SPPL3: variants seen among roughly 807,000 people sequenced by gnomAD.
SPPL3 encodes the protein signal peptide peptidase-like 3.
In SPPL3, 5 loss-of-function variants were observed where a neutral mutation model predicts 42.4. The observed-to-expected ratio is 0.12, with a 90% CI of 0.06 to 0.25. The LOEUF (loss-of-function observed/expected upper bound fraction) is 0.25, where lower values mean the gene tolerates loss of function less well. SPPL3 is among the 10% of genes least tolerant of loss of function. The pLI is 1.00. For missense variants in SPPL3, 235 were observed against 489.0 expected, an observed-to-expected ratio of 0.48 and a Z score of 4.90; for synonymous variants, 195 against 181.8, an observed-to-expected ratio of 1.07 and a Z score of -0.58.
chr12:120,832,001 A>G (rs76960432), intron 1 of SPPL3, among the ~76,000 whole-genome samples: 1,707 of 152,338 alleles, frequency 0.011, 11 homozygotes, highest in Non-Finnish European at 0.017. Flanking sequence ...TCAAAATATA[A>G]AAAACCAGCT....
intron 1 of SPPL3, among the ~76,000 whole-genome samples, chr12:120,894,850 G>A (rs1216171480): frequency 6.6e-6 from 1 of 152,184 alleles, no homozygotes; most frequent in Non-Finnish European, 1.5e-5. Flanking sequence ...GTGGGGCTGA[G>A]GCAGGAGGAT....
At chr12:120,784,679 T>G (rs1592960689) in intron 3 of SPPL3, 86 bp from the exon 4 acceptor site, 1 of 1,057,360 alleles carries the variant, frequency 9.5e-7, no homozygotes, top group Non-Finnish European at 1.4e-6. Flanking sequence ...CTTGCAAAAA[T>G]GCAGACAGTT....
At chr12:120,878,568 T>C (rs1873183516) in intron 1 of SPPL3, among the ~76,000 whole-genome samples, 1 of 152,204 alleles carries the variant, frequency 6.6e-6, no homozygotes, top group African/African-American at 2.4e-5. Context: ...AATATTTAAA[T>C]AATACGCCCA....
intron 6 of SPPL3, among the ~76,000 whole-genome samples, chr12:120,781,473 T>C (rs1156453245): frequency 5.3e-5 from 8 of 151,394 alleles, no homozygotes; most frequent in African/African-American, 9.7e-5. Flanking sequence ...TATAACATGT[T>C]ATATTACATA....
At chr12:120,858,705 C>T (rs1455048431) in intron 1 of SPPL3, among the ~76,000 whole-genome samples, 1 of 151,992 alleles carries the variant, frequency 6.6e-6, no homozygotes, top group Non-Finnish European at 1.5e-5. Flanking sequence ...GAAAAACAGG[C>T]AAAGAAGATC....
At chr12:120,870,601 G>T (rs1290025039) in intron 1 of SPPL3, among the ~76,000 whole-genome samples, 1 of 151,936 alleles carries the variant, frequency 6.6e-6, no homozygotes, top group Admixed American at 6.6e-5. Context: ...TGAAAGAATG[G>T]GTAAGAAAAA....
At chr12:120,854,824 T>C (rs1872398598) in intron 1 of SPPL3, among the ~76,000 whole-genome samples, 1 of 152,182 alleles carries the variant, frequency 6.6e-6, no homozygotes, top group Non-Finnish European at 1.5e-5. Flanking sequence ...ACCAAGTGTT[T>C]CCAAAGCGGG....
intron 1 of SPPL3, among the ~76,000 whole-genome samples, chr12:120,887,027 G>T: frequency 6.6e-6 from 1 of 151,004 alleles, no homozygotes; most frequent in Non-Finnish European, 1.5e-5. Flanking sequence ...AGGCTGGAAT[G>T]CAGTGGCACG....
intron 6 of SPPL3, among the ~76,000 whole-genome samples, chr12:120,781,872 C>T (rs1305383295): frequency 6.6e-6 from 1 of 151,816 alleles, no homozygotes; most frequent in Non-Finnish European, 1.5e-5. Context: ...CCACAATGCC[C>T]AGCCCTTATT....
chr12:120,882,458 G>T (rs1043986219), intron 1 of SPPL3, among the ~76,000 whole-genome samples: 3 of 152,040 alleles, frequency 2.0e-5, no homozygotes, highest in Non-Finnish European at 4.4e-5. Context: ...GTACTGCATA[G>T]GACTTTGTAT....
At chr12:120,796,108 G>T (rs1409854548) in intron 2 of SPPL3, among the ~76,000 whole-genome samples, 2 of 152,148 alleles carry the variant, frequency 1.3e-5, no homozygotes, top group Non-Finnish European at 2.9e-5. Context: ...AGGCACAGTG[G>T]TTCACGACTG....
chr12:120,838,589 T>C (rs1383980391), intron 1 of SPPL3, among the ~76,000 whole-genome samples: 1 of 152,242 alleles, frequency 6.6e-6, no homozygotes, highest in African/African-American at 2.4e-5. Context: ...TCTTTATCAC[T>C]TAAGCCATTT....
chr12:120,775,752 G>A (rs1162550940), intron 6 of SPPL3, among the ~76,000 whole-genome samples: 1 of 152,176 alleles, frequency 6.6e-6, no homozygotes, highest in Non-Finnish European at 1.5e-5. Context: ...ACTGAGAGTA[G>A]ATAAAACAGC....
At position 120,886,534 on chromosome 12, in the gene SPPL3, C is replaced by T. The variant is rs115856219; in HGVS notation, c.23+17311G>A. 3.2e-3 allele frequency among the ~76,000 whole-genome samples: 483 copies of T among 152,212 alleles called. 5 individuals are homozygous for T. The highest frequency in any genetic ancestry group is 0.011 in the African/African-American group (468 of 41,514). ...AACAAGGACCAAACGATAACAGTTC[C>T]AACAGATTTACTTGCTGAGAACTAT... On this transcript the variant is annotated intron_variant, in intron 1 of 10. Transcript: ENST00000353487.
rs1160695507 is a variant in SPPL3, at chr12:120,764,015, G to A, written c.*984C>T. The A allele has an allele frequency of 2.6e-5, 4 of 152,612 alleles. No homozygotes were observed. Among genetic ancestry groups the A allele is most frequent in the African/African-American group, 9.7e-5 (4 of 41,434 alleles). 9.5% of individuals were successfully genotyped at this position (152,612 alleles called of 1,614,324 possible). ...AAACTACGGAACACCCTGCGAGGGA[G>A]AAGCCTAGAAAAGAAAGAAAGGGCC... On this transcript the variant is annotated 3_prime_UTR_variant, in exon 11 of 11. Transcript: ENST00000353487.
chr12:120,892,591 A>T (rs1188680557), intron 1 of SPPL3, among the ~76,000 whole-genome samples: 1 of 152,244 alleles, frequency 6.6e-6, no homozygotes, highest in Non-Finnish European at 1.5e-5. Context: ...ATAGGGAAGC[A>T]GGGTTATAAG....
intron 1 of SPPL3, among the ~76,000 whole-genome samples, chr12:120,901,613 G>C (rs1873987169): frequency 1.5e-5 from 2 of 130,720 alleles, no homozygotes; most frequent in South Asian, 5.4e-4. Flanking sequence ...AAAAAAAAAG[G>C]AAACTGCCCA....
Position 120,769,069 on chromosome 12 carries a change from A to T in SPPL3, c.503-10T>A. ...AGGCCCATGGCCAGTGCTGGGGAGGAGACAGGGTACAGCAGACAGCAGTCA... is the reference window on the plus strand; with the variant it reads ...AGGCCCATGGCCAGTGCTGGGGAGGTGACAGGGTACAGCAGACAGCAGTCA... On this transcript the variant is annotated splice_polypyrimidine_tract_variant and intron_variant, in intron 6 of 10. Coordinates refer to ENST00000353487, the MANE Select transcript of SPPL3 (RefSeq NM_139015.5). 2 of 1,597,160 alleles carry T rather than the reference A, an allele frequency of 1.3e-6. No homozygotes were observed. Among genetic ancestry groups the T allele is most frequent in the South Asian group, 2.3e-5 (2 of 87,992 alleles).
At chr12:120,860,845 T>C (rs1288622567) in intron 1 of SPPL3, among the ~76,000 whole-genome samples, 1 of 152,112 alleles carries the variant, frequency 6.6e-6, no homozygotes, top group Non-Finnish European at 1.5e-5. Context: ...GTCCTCCCTA[T>C]CTTTGGGGGA....
Sources: gnomAD v4.1 joint callset for allele counts (sites outside exome capture counted in the v4.1 genomes callset) on GRCh38, gnomAD v4.1.1 for gene constraint, MANE v1.5 for transcripts, NCBI Gene and HGNC (gene_info 2026-07-23, HGNC 2026-07-21) for gene names.